Variants in KATNAL1 observed in about 807,000 individuals in gnomAD.
The protein encoded by KATNAL1 is katanin p60 ATPase-containing subunit A-like 1.
KATNAL1 carries 32 observed loss-of-function variants against 55.2 expected under a neutral mutation model. That is an observed-to-expected ratio of 0.58 (90% CI 0.44 to 0.78). The LOEUF (loss-of-function observed/expected upper bound fraction) is 0.78. Among genes scored for constraint, KATNAL1 ranks in the 30% least tolerant of loss-of-function variants. The pLI, the probability that KATNAL1 is intolerant of heterozygous loss-of-function variation, is 0.00. For missense variants in KATNAL1, 466 were observed against 600.9 expected, an observed-to-expected ratio of 0.78 and a Z score of 2.35; for synonymous variants, 193 against 193.6, an observed-to-expected ratio of 1.00 and a Z score of 0.02.
chr13:30,273,520 A>C (rs777495076), intron 3 of KATNAL1, among the ~76,000 whole-genome samples: 2 of 152,260 alleles, frequency 1.3e-5, no homozygotes, highest in Non-Finnish European at 2.9e-5. Context: ...AGATTTAAAA[A>C]GAAACCACGT....
chr13:30,279,038 T>C (rs1881073600), intron 3 of KATNAL1, among the ~76,000 whole-genome samples: 1 of 152,222 alleles, frequency 6.6e-6, no homozygotes, highest in Non-Finnish European at 1.5e-5. Flanking sequence ...TTAAAATGTT[T>C]TTAGAAAATT....
chr13:30,272,626 A>G (rs9579549), intron 3 of KATNAL1, among the ~76,000 whole-genome samples: 32,315 of 152,014 alleles, frequency 0.21, 3,731 homozygotes, highest in East Asian at 0.3. Context: ...TCTGTCTTTC[A>G]GTTGCCTTTT....
chr13:30,273,787 T>C (rs773814733), intron 3 of KATNAL1, among the ~76,000 whole-genome samples: 3 of 152,252 alleles, frequency 2.0e-5, no homozygotes, highest in Non-Finnish European at 4.4e-5. Context: ...CATTAGTTCC[T>C]GATGATTCTG....
rs752040163 is a variant in KATNAL1, at chr13:30,283,609, A to G, written c.162+7T>C. 1.1e-5 allele frequency: 17 copies of G among 1,613,428 alleles called. No homozygotes were observed. Among genetic ancestry groups the G allele is most frequent in the Middle Eastern group, 1.6e-4 (1 of 6,082 alleles). ...CTAACTCATCTAATACTTTAATACCATCTTACCTGTTGCCATTTGCCTTTG... is the reference window on the plus strand; with the variant it reads ...CTAACTCATCTAATACTTTAATACCGTCTTACCTGTTGCCATTTGCCTTTG... On this transcript the variant is annotated splice_region_variant and intron_variant, in intron 2 of 10. Transcript: ENST00000380615.
chr13:30,274,971 TAAGAG>T (rs1880733326), intron 3 of KATNAL1, among the ~76,000 whole-genome samples: 1 of 141,380 alleles, frequency 7.1e-6, no homozygotes, highest in Non-Finnish European at 1.5e-5. Context: ...TATTCAACCT[TAAGAG>T]AAGGAAATCC....
chr13:30,246,863 T>C (rs1877847275), intron 4 of KATNAL1, among the ~76,000 whole-genome samples: 1 of 152,192 alleles, frequency 6.6e-6, no homozygotes, highest in Non-Finnish European at 1.5e-5. Context: ...ACAATTAGAA[T>C]GGCAATTATT....
intron 3 of KATNAL1, among the ~76,000 whole-genome samples, chr13:30,263,673 G>A (rs542015838): frequency 2.1e-3 from 307 of 149,612 alleles, no homozygotes; most frequent in Admixed American, 3.2e-3. Context: ...TACAAGGGAT[G>A]TGAAGGACCT....
At chr13:30,268,807 T>C (rs1030996967) in intron 3 of KATNAL1, among the ~76,000 whole-genome samples, 47 of 152,294 alleles carry the variant, frequency 3.1e-4, no homozygotes, top group African/African-American at 9.1e-4. Flanking sequence ...AACAAAACCA[T>C]TGGCAAACGC....
At chr13:30,228,206 A>G (rs1053383898) in intron 8 of KATNAL1, among the ~76,000 whole-genome samples, 2 of 152,212 alleles carry the variant, frequency 1.3e-5, no homozygotes. Flanking sequence ...CACAACAGAA[A>G]CTTTAGAAAA....
intron 8 of KATNAL1, among the ~76,000 whole-genome samples, chr13:30,228,079 T>C (rs1484809371): frequency 3.9e-5 from 6 of 152,124 alleles, no homozygotes; most frequent in African/African-American, 1.4e-4. Flanking sequence ...AAAAAATAAA[T>C]AAGACATTTA....
intron 9 of KATNAL1, among the ~76,000 whole-genome samples, chr13:30,211,222 A>G (rs947752567): frequency 6.6e-6 from 1 of 152,220 alleles, no homozygotes; most frequent in African/African-American, 2.4e-5. Context: ...CCATATATAC[A>G]GGAAAAGAAA....
intron 6 of KATNAL1, among the ~76,000 whole-genome samples, chr13:30,231,675 A>C (rs1371663356): frequency 6.6e-6 from 1 of 152,198 alleles, no homozygotes; most frequent in African/African-American, 2.4e-5. Context: ...CTCAAGCCAG[A>C]GGTAGTCAGA....
chr13:30,249,467 T>G (rs1878099384), intron 4 of KATNAL1, among the ~76,000 whole-genome samples: 1 of 152,190 alleles, frequency 6.6e-6, no homozygotes, highest in African/African-American at 2.4e-5. Context: ...AAAGCAGCAT[T>G]ACTCACAAGA....
intron 7 of KATNAL1, among the ~76,000 whole-genome samples, chr13:30,230,871 A>G (rs1876032086): frequency 1.3e-5 from 2 of 152,228 alleles, no homozygotes; most frequent in South Asian, 4.1e-4. Flanking sequence ...CCATAATGGA[A>G]AAATTTTTCA....
At chr13:30,264,610 A>C (rs1211260158) in intron 3 of KATNAL1, among the ~76,000 whole-genome samples, 1 of 150,358 alleles carries the variant, frequency 6.7e-6, no homozygotes, top group Non-Finnish European at 1.5e-5. Context: ...CAGCCAAACA[A>C]CACATGAAAA....
At chr13:30,265,782 G>C (rs846486) in intron 3 of KATNAL1, among the ~76,000 whole-genome samples, 1 of 149,880 alleles carries the variant, frequency 6.7e-6, no homozygotes, top group Non-Finnish European at 1.5e-5. Context: ...AGGCTGAGGC[G>C]GGCAGATCAC....
chr13:30,276,516 CAAAAAAA>C (rs35974864), intron 3 of KATNAL1, among the ~76,000 whole-genome samples: 1 of 99,110 alleles, frequency 1.0e-5, no homozygotes, highest in Non-Finnish European at 2.1e-5. Flanking sequence ...TGAGAGATGG[CAAAAAAA>C]AAAAAAAAGA....
intron 4 of KATNAL1, among the ~76,000 whole-genome samples, chr13:30,242,270 AT>A (rs1337103755): frequency 1.3e-5 from 2 of 152,222 alleles, no homozygotes; most frequent in Non-Finnish European, 2.9e-5. Context: ...TAAAATTAAA[AT>A]TTCATTTTAA....
chr13:30,288,023 A>C (rs1881905712), intron 1 of KATNAL1, among the ~76,000 whole-genome samples: 1 of 152,208 alleles, frequency 6.6e-6, no homozygotes. Context: ...AGACAGGTTG[A>C]CTAAGGAGAA....
Sources: gnomAD v4.1 joint callset for allele counts (sites outside exome capture counted in the v4.1 genomes callset) on GRCh38, gnomAD v4.1.1 for gene constraint, MANE v1.5 for transcripts, NCBI Gene and HGNC (gene_info 2026-07-23, HGNC 2026-07-21) for gene names.